ARHGAP15: variants seen among roughly 807,000 people sequenced by gnomAD.
ARHGAP15 encodes rho GTPase-activating protein 15.
ARHGAP15 carries 51 observed loss-of-function variants against 63.7 expected under a neutral mutation model. That is an observed-to-expected ratio of 0.80 (90% CI 0.64 to 1.01). The LOEUF is 1.01. Among genes scored for constraint, ARHGAP15 ranks in the 50% least tolerant of loss-of-function variants. The pLI is 0.00. For synonymous variants in ARHGAP15, 191 were observed against 193.8 expected (o/e 0.99, Z 0.12); for missense variants, 560 against 564.6 (o/e 0.99, Z 0.08).
chr2:143,339,520 A>G lies in ARHGAP15; in HGVS notation c.474+88920A>G, dbSNP rs373987729. On this transcript the variant is annotated intron_variant, in intron 6 of 13. Coordinates refer to ENST00000295095, the MANE Select transcript of ARHGAP15 (RefSeq NM_018460.4). ...ACAAAAAGAGATGCTGTGACTATGA[A>G]GACAGATTATGTTATATTCCAGACA... 7.2e-5 allele frequency among the ~76,000 whole-genome samples: 11 copies of G among 152,162 alleles called. No homozygotes were observed. The East Asian group carries it at 1.9e-3, about 27-fold the overall frequency.
At chr2:143,715,603 T>C (rs1199759949) in intron 13 of ARHGAP15, among the ~76,000 whole-genome samples, 1 of 152,246 alleles carries the variant, frequency 6.6e-6, no homozygotes, top group African/African-American at 2.4e-5. Context: ...TTAAGTACCT[T>C]ATAGATGCTG....
intron 6 of ARHGAP15, among the ~76,000 whole-genome samples, chr2:143,300,002 A>G (rs1682823520): frequency 6.6e-6 from 1 of 152,062 alleles, no homozygotes; most frequent in South Asian, 2.1e-4. Context: ...CTTGTAAATG[A>G]GGCAGCAAGA....
chr2:143,386,322 G>A (rs1361913694), intron 6 of ARHGAP15, among the ~76,000 whole-genome samples: 1 of 152,082 alleles, frequency 6.6e-6, no homozygotes, highest in Non-Finnish European at 1.5e-5. Context: ...CTATGAGTTA[G>A]TAAAATGAGC....
At position 143,250,502 on chromosome 2, in the gene ARHGAP15, T is replaced by G; in HGVS notation, c.385-9T>G. On this transcript the variant is annotated splice_polypyrimidine_tract_variant and intron_variant, in intron 5 of 13. Coordinates refer to ENST00000295095, the MANE Select transcript of ARHGAP15 (RefSeq NM_018460.4). ...TCCTCTTATTCTTACTTCATTTTTGTGATTACAGAAAACTGGGCACAAACC... is the reference window on the plus strand; with the variant it reads ...TCCTCTTATTCTTACTTCATTTTTGGGATTACAGAAAACTGGGCACAAACC... The G allele has an allele frequency of 6.2e-7, 1 of 1,611,042 alleles. No homozygotes were observed. The highest frequency in any genetic ancestry group is 8.5e-7 in the Non-Finnish European group (1 of 1,177,532).
At chr2:143,287,558 C>A (rs1238991069) in intron 6 of ARHGAP15, among the ~76,000 whole-genome samples, 1 of 152,068 alleles carries the variant, frequency 6.6e-6, no homozygotes, top group Non-Finnish European at 1.5e-5. Flanking sequence ...GTAATCCCAG[C>A]ACTTTGGGAG....
At chr2:143,504,531 A>G (rs1163946516) in intron 9 of ARHGAP15, among the ~76,000 whole-genome samples, 1 of 152,246 alleles carries the variant, frequency 6.6e-6, no homozygotes, top group Non-Finnish European at 1.5e-5. Flanking sequence ...CAATGGCCAA[A>G]GCCCCTGCAG....
intron 8 of ARHGAP15, among the ~76,000 whole-genome samples, chr2:143,469,381 G>A (rs916635272): frequency 4.6e-5 from 7 of 152,154 alleles, no homozygotes; most frequent in South Asian, 2.1e-4. Context: ...CTGCTCTACC[G>A]ATGTGAGATA....
At chr2:143,618,371 G>A (rs568362270) in intron 11 of ARHGAP15, among the ~76,000 whole-genome samples, 2 of 152,310 alleles carry the variant, frequency 1.3e-5, no homozygotes, top group South Asian at 4.1e-4. Context: ...CATTTGGGAT[G>A]TGACTTTCAT....
intron 2 of ARHGAP15, among the ~76,000 whole-genome samples, chr2:143,200,545 TTCTC>T (rs1054250982): frequency 4.0e-5 from 6 of 151,768 alleles, no homozygotes; most frequent in African/African-American, 2.4e-5. Context: ...TTATCTCTCT[TTCTC>T]TCTCTTTCTC....
intron 8 of ARHGAP15, among the ~76,000 whole-genome samples, chr2:143,470,020 C>T (rs1368091340): frequency 6.6e-6 from 1 of 151,824 alleles, no homozygotes; most frequent in Non-Finnish European, 1.5e-5. Context: ...TTATCATCCT[C>T]ATCCTATTTA....
At chr2:143,671,588 T>C (rs1403844687) in intron 12 of ARHGAP15, among the ~76,000 whole-genome samples, 1 of 152,110 alleles carries the variant, frequency 6.6e-6, no homozygotes, top group East Asian at 1.9e-4. Context: ...ATTAAACAAA[T>C]AGTGGCAAAA....
At chr2:143,341,178 G>A (rs1276838898) in intron 6 of ARHGAP15, among the ~76,000 whole-genome samples, 3 of 151,832 alleles carry the variant, frequency 2.0e-5, no homozygotes, top group Non-Finnish European at 2.9e-5. Flanking sequence ...CTACCTCTCC[G>A]GCATCCCTTC....
intron 8 of ARHGAP15, among the ~76,000 whole-genome samples, chr2:143,473,983 G>C (rs1691698097): frequency 6.6e-6 from 1 of 152,154 alleles, no homozygotes; most frequent in African/African-American, 2.4e-5. Flanking sequence ...CCGTTCAATA[G>C]TCCAAAAGTT....
At chr2:143,517,934 C>T (rs576895811) in intron 9 of ARHGAP15, among the ~76,000 whole-genome samples, 1 of 152,268 alleles carries the variant, frequency 6.6e-6, no homozygotes, top group Non-Finnish European at 1.5e-5. Context: ...AAATGAAATC[C>T]ATTAATTAGT....
chr2:143,618,441 C>T (rs748889245), intron 11 of ARHGAP15, among the ~76,000 whole-genome samples: 5 of 152,202 alleles, frequency 3.3e-5, no homozygotes, highest in Non-Finnish European at 7.3e-5. Context: ...GAAGCAGGGA[C>T]ATCATCCTTT....
At chr2:143,223,286 T>A (rs572032482) in intron 4 of ARHGAP15, among the ~76,000 whole-genome samples, 6 of 152,300 alleles carry the variant, frequency 3.9e-5, no homozygotes, top group Admixed American at 3.9e-4. Flanking sequence ...ACACTTGGCA[T>A]TTCTTGCCCT....
chr2:143,167,315 G>A (rs1339473100), intron 2 of ARHGAP15, among the ~76,000 whole-genome samples: 2 of 152,052 alleles, frequency 1.3e-5, no homozygotes, highest in African/African-American at 2.4e-5. Flanking sequence ...AGCCTTTAAA[G>A]TACTTGCTGG....
intron 6 of ARHGAP15, among the ~76,000 whole-genome samples, chr2:143,320,733 G>T (rs1224321450): frequency 6.6e-6 from 1 of 152,072 alleles, no homozygotes; most frequent in Non-Finnish European, 1.5e-5. Flanking sequence ...TCTTTGTATT[G>T]GATAGTTGCG....
intron 10 of ARHGAP15, among the ~76,000 whole-genome samples, chr2:143,537,490 T>C (rs1231504612): frequency 1.3e-5 from 2 of 152,246 alleles, no homozygotes; most frequent in African/African-American, 2.4e-5. Context: ...TAGGTTTTCT[T>C]CTAGAGTTTT....
Sources: allele counts gnomAD v4.1 joint callset (sites outside exome capture counted in the v4.1 genomes callset), GRCh38; gene constraint gnomAD v4.1.1; transcripts MANE v1.5; gene names NCBI Gene and HGNC (gene_info 2026-07-23, HGNC 2026-07-21).